Variants in FGFR2 observed in about 807,000 individuals in gnomAD.
The protein encoded by FGFR2 is fibroblast growth factor receptor 2.
In FGFR2, 19 loss-of-function variants were observed where a neutral mutation model predicts 95.9. The ratio of observed to expected loss-of-function variants is 0.20; its 90% CI spans 0.14 to 0.29. The LOEUF is 0.29. FGFR2 is among the 10% of genes least tolerant of loss of function. The pLI is 1.00. For missense variants in FGFR2, 707 were observed against 1,056.9 expected, an observed-to-expected ratio of 0.67 and a Z score of 4.59; for synonymous variants, 392 against 393.3, an observed-to-expected ratio of 1.00 and a Z score of 0.04.
At chr10:121,571,230 C>T (rs909618018) in intron 2 of FGFR2, among the ~76,000 whole-genome samples, 15 of 148,880 alleles carry the variant, frequency 1.0e-4, no homozygotes, top group Admixed American at 2.0e-4. Flanking sequence ...CTCCTCACCT[C>T]GTGATACGCC....
At chr10:121,500,015 C>T (rs1239549729) in intron 11 of FGFR2, among the ~76,000 whole-genome samples, 2 of 152,212 alleles carry the variant, frequency 1.3e-5, no homozygotes, top group East Asian at 3.9e-4. Flanking sequence ...AGCACCATAT[C>T]CCAAGGATGG....
intron 4 of FGFR2, among the ~76,000 whole-genome samples, chr10:121,555,003 A>G (rs1333628863): frequency 6.6e-6 from 1 of 152,318 alleles, no homozygotes; most frequent in East Asian, 1.9e-4. Context: ...TACCAAATTA[A>G]AGATCTACTG....
chr10:121,490,154 CTTTTTTT>C (rs55633189), intron 13 of FGFR2, among the ~76,000 whole-genome samples: 2 of 79,994 alleles, frequency 2.5e-5, no homozygotes, highest in Non-Finnish European at 4.4e-5. Flanking sequence ...ACTTTTCCTT[CTTTTTTT>C]TTTTTTTTTT....
In FGFR2 at chr10:121,485,652, C is replaced by T. The variant is rs1845313903; in HGVS notation, c.2058-120G>A. 7.7e-7 allele frequency: 1 copy of T among 1,296,352 alleles called. No individual in the cohort carries two copies. The highest frequency in any genetic ancestry group is 1.1e-6 in the Non-Finnish European group (1 of 913,696). 80.3% of individuals were successfully genotyped at this position (1,296,352 alleles called of 1,614,324 possible). On this transcript the variant is annotated intron_variant, in intron 15 of 17. Coordinates refer to ENST00000358487, the MANE Select transcript of FGFR2 (RefSeq NM_000141.5). This position sits in a 1 kb window ranked among gnomAD's most constrained non-coding sequence, Gnocchi z 4.2. ...GAAGTTCAAAGACAAATGGGCCCTC[C>T]TGCAGTTCCTCCTATGTGCTCTTTC...
At chr10:121,558,316 T>C (rs755131737) in intron 4 of FGFR2, among the ~76,000 whole-genome samples, 2 of 152,176 alleles carry the variant, frequency 1.3e-5, no homozygotes, top group Non-Finnish European at 1.5e-5. Flanking sequence ...TTTCAAAAAT[T>C]AGCATATGAA....
Position 121,498,752 on chromosome 10 carries a change from C to T in FGFR2, c.1562-147G>A, listed in dbSNP as rs1847210035. ...TTCCAAATCATCTCCCTCATTTTAT[C>T]GAGGAAGGGACAAAGGCCTACACAG... On this transcript the variant is annotated intron_variant, in intron 11 of 17. Coordinates refer to ENST00000358487, the MANE Select transcript of FGFR2 (RefSeq NM_000141.5). 6.7e-6 allele frequency: 5 copies of T among 746,270 alleles called. 1 individual carries two copies. The highest frequency in any genetic ancestry group is 4.7e-5 in the South Asian group (3 of 63,506). The allele number at this position is 746,270 out of a possible 1,614,324, so 46.2% of individuals were successfully genotyped here.
intron 9 of FGFR2, among the ~76,000 whole-genome samples, chr10:121,507,600 A>G (rs7919720): frequency 9.7e-4 from 148 of 152,256 alleles, no homozygotes; most frequent in African/African-American, 3.3e-3. Flanking sequence ...AAAAGAAAAG[A>G]GGAGACAGGA....
At chr10:121,495,437 A>G (rs1035238917) in intron 13 of FGFR2, among the ~76,000 whole-genome samples, 4 of 152,146 alleles carry the variant, frequency 2.6e-5, no homozygotes, top group African/African-American at 9.7e-5. Flanking sequence ...TTGAGGTGGG[A>G]GGCTCACCTG....
rs138985383 is a variant in FGFR2 at position 121,500,854 on chromosome 10, C to T, written c.1533G>A (p.Ala511=). The change falls in exon 11 of 18, where the codon GCG becomes GCA. Residue 511 remains alanine, a synonymous_variant. Coordinates refer to ENST00000358487, the MANE Select transcript of FGFR2 (RefSeq NM_000141.5). ...TCAACATCTTCACGGCCACGGTGAC[C>T]GCCTCCTTGGGCTTGTCTTTGTCAA... The part of the protein sequence containing the change: ...VGIDKDKPKE[A]VTVAVKMLKD... 28 of 1,614,088 alleles carry T rather than the reference C, an allele frequency of 1.7e-5. No homozygotes were observed. The highest frequency in any genetic ancestry group is 2.3e-5 in the Non-Finnish European group (27 of 1,180,060).
chr10:121,566,127 C>T (rs138853804), intron 2 of FGFR2, among the ~76,000 whole-genome samples: 9 of 152,314 alleles, frequency 5.9e-5, no homozygotes, highest in Non-Finnish European at 1.3e-4. Context: ...CACACACATA[C>T]ACTCTTTATT....
rs950823070 is a variant in FGFR2, at chr10:121,598,050, G to C, written c.-239C>G. ...GAAAGCGACGAGCCCGGGGTTGCGG[G>C]GAGCAACTCCAAACGCAGAAGAGTG... is the stretch of plus-strand genomic sequence containing the variant. On this transcript the variant is annotated 5_prime_UTR_variant, in exon 1 of 18. Transcript: ENST00000358487. 2.5e-6 allele frequency: 1 copy of C among 397,988 alleles called. No homozygotes were observed. The highest frequency in any genetic ancestry group is 4.4e-6 in the Non-Finnish European group (1 of 225,668). 24.7% of individuals were successfully genotyped at this position (397,988 alleles called of 1,614,324 possible).
At chr10:121,487,262 A>C (rs1318089016) in intron 15 of FGFR2, 92 bp downstream of exon 15, 1 of 968,302 alleles carries the variant, frequency 1.0e-6, no homozygotes, top group Non-Finnish European at 1.7e-6. Flanking sequence ...TGTGAAATGC[A>C]GCAGCCACTA....
chr10:121,485,654 G>A lies in FGFR2; in HGVS notation c.2058-122C>T. ...AGTTCAAAGACAAATGGGCCCTCCT[G>A]CAGTTCCTCCTATGTGCTCTTTCCT... On this transcript the variant is annotated intron_variant, in intron 15 of 17. Coordinates refer to ENST00000358487, the MANE Select transcript of FGFR2 (RefSeq NM_000141.5). The surrounding 1 kb of genome is among the most constrained non-coding windows in gnomAD (Gnocchi z 4.2). 7.8e-7 allele frequency: 1 copy of A among 1,288,310 alleles called. No homozygotes were observed. The allele number at this position is 1,288,310 out of a possible 1,614,324, so 79.8% of individuals were successfully genotyped here. A position where few individuals can be genotyped will look rare whatever the true frequency, so the allele number is the denominator to read the frequency against.
intron 17 of FGFR2, chr10:121,480,370 C>T (rs1010428995): frequency 1.9e-5 from 8 of 422,076 alleles, no homozygotes; most frequent in Admixed American, 1.1e-4. Context: ...GGGCAGGCAA[C>T]TCGGCTTCAC....
chr10:121,592,272 T>C (rs1590124665), intron 2 of FGFR2, among the ~76,000 whole-genome samples: 1 of 152,226 alleles, frequency 6.6e-6, no homozygotes, highest in East Asian at 1.9e-4. Flanking sequence ...CCCTCTTACA[T>C]GAAAGCCCTG....
intron 17 of FGFR2, chr10:121,482,024 A>C: frequency 1.7e-6 from 1 of 605,718 alleles, no homozygotes; most frequent in Non-Finnish European, 3.0e-6. Flanking sequence ...TCTTTAGTAG[A>C]GACAGGGTTT....
intron 6 of FGFR2, among the ~76,000 whole-genome samples, chr10:121,524,146 A>ACACCCCCCCC (rs142755962): frequency 1.3e-4 from 18 of 136,870 alleles, no homozygotes; most frequent in Non-Finnish European, 2.2e-4. Context: ...ACACACACAC[A>ACACCCCCCCC]CCCCAAGTTT....
intron 6 of FGFR2, among the ~76,000 whole-genome samples, chr10:121,523,644 G>A (rs1850876658): frequency 1.3e-5 from 2 of 152,318 alleles, no homozygotes; most frequent in African/African-American, 2.4e-5. Flanking sequence ...CCTTCACACA[G>A]AAATGTGAAC....
chr10:121,580,588 G>A (rs1357010752), intron 2 of FGFR2, among the ~76,000 whole-genome samples: 2 of 152,162 alleles, frequency 1.3e-5, no homozygotes, highest in Non-Finnish European at 2.9e-5. Flanking sequence ...TCGGGTGGGC[G>A]GGACACGGTC....
Sources: allele counts gnomAD v4.1 joint callset (sites outside exome capture counted in the v4.1 genomes callset), GRCh38; gene constraint gnomAD v4.1.1; non-coding constraint Gnocchi (gnomAD v3.1); transcripts MANE v1.5; gene names NCBI Gene and HGNC (gene_info 2026-07-23, HGNC 2026-07-21).